GFM1: variants seen among roughly 807,000 people sequenced by gnomAD.
The protein encoded by GFM1 is elongation factor G, mitochondrial.
A neutral mutation model predicts 96.2 loss-of-function variants in GFM1; 62 were observed. The ratio of observed to expected loss-of-function variants is 0.64; its 90% CI spans 0.53 to 0.80. The LOEUF is 0.80. Ranked by LOEUF, GFM1 falls within the 30% of genes least tolerant of loss-of-function variation. GFM1 has a pLI of 0.00. For synonymous variants in GFM1, 282 were observed against 312.9 expected, an observed-to-expected ratio of 0.90 and a Z score of 1.04; for missense variants, 852 against 916.6, an observed-to-expected ratio of 0.93 and a Z score of 0.91.
At chr3:158,689,016 A>G (rs1393079675) in intron 15 of GFM1, among the ~76,000 whole-genome samples, 2 of 152,358 alleles carry the variant, frequency 1.3e-5, no homozygotes, top group East Asian at 3.9e-4. Context: ...ATATTTAAAC[A>G]AAATATTACC....
At chr3:158,685,733 G>A (rs1200050347) in intron 15 of GFM1, among the ~76,000 whole-genome samples, 1 of 152,064 alleles carries the variant, frequency 6.6e-6, no homozygotes, top group African/African-American at 2.4e-5. Context: ...TAGAAATCTT[G>A]TCACAGTCTG....
intron 13 of GFM1, among the ~76,000 whole-genome samples, chr3:158,681,092 G>A (rs1725338811): frequency 6.6e-6 from 1 of 152,148 alleles, no homozygotes; most frequent in Non-Finnish European, 1.5e-5. Context: ...CCTGTTGTAA[G>A]CTAGCATCTC....
In GFM1 at chr3:158,691,287, A is replaced by C. The variant is rs765106024; in HGVS notation, c.2125-49A>C. On this transcript the variant is annotated intron_variant, in intron 17 of 17. Transcript: ENST00000486715. ...TGTATGACTTTTACTTGATAGTTTA[A>C]AAAACAAACAAACAAACAAAAAACC... 13 of 1,599,356 alleles carry C rather than the reference A, an allele frequency of 8.1e-6. No homozygotes were observed. The South Asian group carries it at 1.3e-4, about 16-fold the overall frequency.
At position 158,684,602 on chromosome 3, in the gene GFM1, G is replaced by A; in HGVS notation, c.1843G>A (p.Ala615Thr). Residue 615 changes from alanine (A) to threonine (T), a missense_variant, in exon 15 of 18, where the codon GCA (alanine) becomes ACA (threonine). Ala to Thr is a moderately conservative substitution (Grantham distance 58). Transcript: ENST00000486715. ...SGLRFVLQDG[A>T]HHMVDSNEIS... is the part of the protein sequence containing the mutation. ...GCTCCGGTTTGTCCTGCAAGATGGA[G>A]CACACCACATGGTTGATTCTAATGA... The A allele has an allele frequency of 1.2e-6, 2 of 1,614,108 alleles. No individual in the cohort carries two copies. The highest frequency in any genetic ancestry group is 1.1e-5 in the South Asian group (1 of 91,080).
At chr3:158,675,782 A>G in intron 13 of GFM1, among the ~76,000 whole-genome samples, 1 of 152,226 alleles carries the variant, frequency 6.6e-6, no homozygotes. Flanking sequence ...ATGTTCAATT[A>G]GTCCTGGGAT....
At chr3:158,646,677 C>T (rs1468192896) in intron 3 of GFM1, 66 bp from the exon 4 acceptor site, 2 of 1,324,628 alleles carry the variant, frequency 1.5e-6, no homozygotes, top group Non-Finnish European at 2.1e-6. Flanking sequence ...ACAAAAACTT[C>T]TAATAGTGCA....
In GFM1 at chr3:158,654,597, C is replaced by T. The variant is rs769311074; in HGVS notation, c.1049C>T (p.Ser350Phe). The change falls in exon 8 of 18, where the codon TCC (serine) becomes TTC (phenylalanine). Residue 350 changes from serine (S) to phenylalanine (F), a missense_variant. Transcript: ENST00000486715. ...KILMNSSRDNSHPFVGLAFKL... is the reference protein window; with the variant it reads ...KILMNSSRDNFHPFVGLAFKL... ...CTAATGAACTCCAGTAGAGACAATT[C>T]CCACCCATTTGTAGGCCTGGCTTTT... 1 of 1,612,922 alleles carries T rather than the reference C, an allele frequency of 6.2e-7. No homozygotes were observed. Among genetic ancestry groups the T allele is most frequent in the African/African-American group, 1.3e-5 (1 of 74,992 alleles).
chr3:158,667,107 A>G (rs1723776824), intron 13 of GFM1: 2 of 1,536,266 alleles, frequency 1.3e-6, no homozygotes, highest in African/African-American at 2.8e-5. Context: ...GTTGTTTAAA[A>G]CTTAATATCT....
At chr3:158,655,506 C>G (rs550737395) in intron 8 of GFM1, among the ~76,000 whole-genome samples, 1 of 150,740 alleles carries the variant, frequency 6.6e-6, no homozygotes, top group African/African-American at 2.4e-5. Flanking sequence ...AAAGAAAATG[C>G]CCAGTAATTA....
intron 6 of GFM1, among the ~76,000 whole-genome samples, chr3:158,652,472 T>C (rs1235577394): frequency 6.6e-6 from 1 of 152,202 alleles, no homozygotes; most frequent in Non-Finnish European, 1.5e-5. Flanking sequence ...CCTTAAATTA[T>C]TGGGGACCTG....
intron 13 of GFM1, chr3:158,671,132 G>T (rs1055706554): frequency 3.1e-6 from 4 of 1,280,328 alleles, no homozygotes; most frequent in Non-Finnish European, 4.0e-6. Context: ...GGGGAATGGT[G>T]AAAGCCTTAG....
intron 13 of GFM1, among the ~76,000 whole-genome samples, chr3:158,675,285 C>CAAAAA (rs1172885215): frequency 2.5e-4 from 13 of 52,664 alleles, no homozygotes; most frequent in East Asian, 9.0e-4. Context: ...GACTCCATCT[C>CAAAAA]AAAAAAAAAA....
intron 15 of GFM1, among the ~76,000 whole-genome samples, chr3:158,688,747 A>AG (rs143865931): frequency 6.6e-6 from 1 of 152,358 alleles, no homozygotes; most frequent in African/African-American, 2.4e-5. Context: ...AGTGAAGCAT[A>AG]GGAGTCTGCA....
intron 5 of GFM1, chr3:158,650,552 GA>G (rs1355133593): frequency 6.4e-6 from 1 of 155,046 alleles, no homozygotes; most frequent in Non-Finnish European, 1.4e-5. Context: ...TCTGACATGT[GA>G]AAGGCTAAGA....
At chr3:158,667,135 T>TA (rs1382357989) in intron 13 of GFM1, 30 of 1,440,860 alleles carry the variant, frequency 2.1e-5, no homozygotes, top group Middle Eastern at 2.5e-4. Context: ...AAATTACATT[T>TA]AATTTTGAAA....
rs768493003 is a variant in GFM1 at position 158,693,851 on chromosome 3, A to G, written c.*2384A>G. ...ATTATTTGGCTGGATCAAGATAAAA[A>G]CTTTTTTGGGTGATTCTAATATGCA... On this transcript the variant is annotated 3_prime_UTR_variant, in exon 18 of 18. Transcript: ENST00000486715. 1.3e-5 allele frequency: 2 copies of G among 152,166 alleles called. No homozygotes were observed. Among genetic ancestry groups the G allele is most frequent in the South Asian group, 2.1e-4 (1 of 4,824 alleles). 9.4% of individuals were successfully genotyped at this position (152,166 alleles called of 1,614,324 possible).
At chr3:158,651,412 T>C (rs1170751030) in intron 5 of GFM1, among the ~76,000 whole-genome samples, 1 of 152,234 alleles carries the variant, frequency 6.6e-6, no homozygotes, top group Non-Finnish European at 1.5e-5. Context: ...TGTTTACTAG[T>C]AGGACAGCCT....
chr3:158,660,819 C>A, intron 9 of GFM1, 55 bp from the exon 10 acceptor site: 1 of 1,454,400 alleles, frequency 6.9e-7, no homozygotes, highest in Non-Finnish European at 9.7e-7. Flanking sequence ...TTTTAGTTAC[C>A]ACATCTTTAT....
At chr3:158,674,759 A>G (rs1004796070) in intron 13 of GFM1, among the ~76,000 whole-genome samples, 7 of 152,170 alleles carry the variant, frequency 4.6e-5, no homozygotes, top group Admixed American at 6.5e-5. Flanking sequence ...ATAATTTCAT[A>G]TTTGTCTAAA....
Sources: allele counts gnomAD v4.1 joint callset (sites outside exome capture counted in the v4.1 genomes callset), GRCh38; gene constraint gnomAD v4.1.1; transcripts MANE v1.5; gene names NCBI Gene and HGNC (gene_info 2026-07-23, HGNC 2026-07-21).